Variants in TEX36 observed in about 807,000 individuals in gnomAD.
The protein encoded by TEX36 is testis expressed 36, also known as testis-expressed protein 36.
TEX36 carries 12 observed loss-of-function variants against 13.6 expected under a neutral mutation model. The observed-to-expected ratio is 0.88, with a 90% CI of 0.56 to 1.43. The LOEUF (loss-of-function observed/expected upper bound fraction) is 1.43. Ranked by LOEUF, TEX36 falls within the 40% of genes most tolerant of loss-of-function variation. The pLI is 0.00. For missense variants in TEX36, 224 were observed against 228.3 expected, an observed-to-expected ratio of 0.98 and a Z score of 0.12; for synonymous variants, 93 against 83.0, an observed-to-expected ratio of 1.12 and a Z score of -0.65.
intron 3 of TEX36, among the ~76,000 whole-genome samples, chr10:125,615,964 T>C (rs1846352595): frequency 6.6e-6 from 1 of 152,204 alleles, no homozygotes; most frequent in Admixed American, 6.5e-5. Flanking sequence ...TTTCAGCTCC[T>C]GTTATTGGTC....
intron 3 of TEX36, among the ~76,000 whole-genome samples, chr10:125,639,131 T>G (rs1846653955): frequency 6.6e-6 from 1 of 152,224 alleles, no homozygotes; most frequent in Non-Finnish European, 1.5e-5. Context: ...TAGATTCAGC[T>G]TTTGCTCTTA....
chr10:125,621,931 A>G (rs1263698755), intron 3 of TEX36, among the ~76,000 whole-genome samples: 1 of 152,218 alleles, frequency 6.6e-6, no homozygotes, highest in Non-Finnish European at 1.5e-5. Context: ...CACTGGCAGC[A>G]GATGGGATGC....
intron 1 of TEX36, among the ~76,000 whole-genome samples, chr10:125,681,625 A>G (rs1375674946): frequency 6.6e-6 from 1 of 152,238 alleles, no homozygotes; most frequent in African/African-American, 2.4e-5. Context: ...AGTATTTATA[A>G]AACTAGTTAT....
At chr10:125,651,529 C>T (rs1268247102), downstream of TEX36, among the ~76,000 whole-genome samples, 2 of 152,158 alleles carry the variant, frequency 1.3e-5, no homozygotes, top group African/African-American at 4.8e-5. Flanking sequence ...GACAAACCCA[C>T]AGCCAATATC....
At chr10:125,600,762 C>A (rs1190010149) in intron 3 of TEX36, among the ~76,000 whole-genome samples, 1 of 152,090 alleles carries the variant, frequency 6.6e-6, no homozygotes, top group Non-Finnish European at 1.5e-5. Context: ...TAAATATGAC[C>A]CCCACGGAAT....
intron 3 of TEX36, among the ~76,000 whole-genome samples, chr10:125,610,294 T>C (rs1846273914): frequency 6.6e-6 from 1 of 152,228 alleles, no homozygotes; most frequent in Non-Finnish European, 1.5e-5. Context: ...GCTTTCACTT[T>C]ACTCTGGTGG....
chr10:125,673,841 G>C (rs1473516423), intron 1 of TEX36, among the ~76,000 whole-genome samples: 6 of 151,754 alleles, frequency 4.0e-5, no homozygotes, highest in Non-Finnish European at 1.5e-5. Context: ...TTTCTTTCTG[G>C]CTGACCTTAA....
chr10:125,633,029 CAGG>C lies in TEX36; in HGVS notation c.265-11387_265-11385del, dbSNP rs571607837. Among the ~76,000 whole-genome samples the C allele has an allele frequency of 1.8e-3, 280 of 152,116 alleles. 6 individuals carry two copies. In the South Asian group the frequency reaches 0.037, roughly 20 times the overall value. The stretch of plus-strand genomic sequence containing the variant: ...ATCCCAGCTACTCCGGAGTCTGAGG[CAGG>C]AGAATTGCTTTAGCTTGGAAGGTAG... On this transcript the variant is annotated intron_variant, in intron 3 of 3. Coordinates refer to the TEX36 transcript ENST00000526819.
At chr10:125,655,045 A>G (rs1445371461), downstream of TEX36, among the ~76,000 whole-genome samples, 1 of 152,260 alleles carries the variant, frequency 6.6e-6, no homozygotes, top group African/African-American at 2.4e-5. Context: ...AATTATTTAA[A>G]ACAGAGTGAA....
intron 1 of TEX36, chr10:125,666,809 G>A (rs1589783766): frequency 3.8e-6 from 1 of 262,318 alleles, no homozygotes; most frequent in East Asian, 9.4e-5. Flanking sequence ...CTGAGGAGAA[G>A]GCCCGCTCTT....
downstream of TEX36, among the ~76,000 whole-genome samples, chr10:125,621,090 A>G (rs897478541): frequency 1.2e-4 from 19 of 152,212 alleles, no homozygotes; most frequent in African/African-American, 4.1e-4. Context: ...AAAAATGGGT[A>G]TACAGATACA....
intron 3 of TEX36, among the ~76,000 whole-genome samples, chr10:125,626,055 G>A (rs1846486000): frequency 6.6e-6 from 1 of 152,216 alleles, no homozygotes; most frequent in Non-Finnish European, 1.5e-5. Flanking sequence ...ACAGACCAGT[G>A]CAGGTGATAA....
intron 3 of TEX36, among the ~76,000 whole-genome samples, chr10:125,614,359 G>C (rs1371832117): frequency 1.3e-5 from 2 of 152,164 alleles, no homozygotes; most frequent in Non-Finnish European, 2.9e-5. Flanking sequence ...CCTTGCCCAT[G>C]CCTATGTCCT....
chr10:125,656,101 A>G lies in TEX36; in HGVS notation c.360T>C (p.Asp120=), dbSNP rs1364101327. The G allele has an allele frequency of 1.9e-6, 3 of 1,551,298 alleles. No homozygotes were observed. The highest frequency in any genetic ancestry group is 2.4e-5 in the East Asian group (1 of 40,928). Residue 120 remains aspartate (D), a synonymous_variant, in exon 4 of 4, where the codon GAT becomes GAC. Transcript: ENST00000368821. ...ATGATATTTGGTTATTTGAAAAGCCATCAAGACAAGATGGAACATAGTCAC... is the reference window on the plus strand; with the variant it reads ...ATGATATTTGGTTATTTGAAAAGCCGTCAAGACAAGATGGAACATAGTCAC... The part of the protein sequence containing the change: ...WACDYVPSCL[D]GFSNNQISYV...
At chr10:125,618,572 G>T (rs573937864), downstream of TEX36, among the ~76,000 whole-genome samples, 4 of 152,004 alleles carry the variant, frequency 2.6e-5, no homozygotes, top group African/African-American at 2.4e-5. Context: ...TGCCCCTGCT[G>T]GGGGGTGCCT....
At chr10:125,582,116 G>T (rs1845890671) in intron 3 of TEX36, among the ~76,000 whole-genome samples, 1 of 152,170 alleles carries the variant, frequency 6.6e-6, no homozygotes, top group Admixed American at 6.5e-5. Context: ...GGCCAAGGGA[G>T]TGAGAAAGCC....
At chr10:125,640,222 G>A in intron 3 of TEX36, 1 of 985,372 alleles carries the variant, frequency 1.0e-6, no homozygotes, top group Non-Finnish European at 1.2e-6. Context: ...CTCCTATTTG[G>A]CAGGAGGAGA....
downstream of TEX36, among the ~76,000 whole-genome samples, chr10:125,654,810 C>T (rs565747169): frequency 8.5e-5 from 13 of 152,246 alleles, no homozygotes; most frequent in South Asian, 2.1e-4. Context: ...TTCACAGGTA[C>T]GGTTGGTAGG....
downstream of TEX36, among the ~76,000 whole-genome samples, chr10:125,619,366 G>A (rs941213674): frequency 6.6e-6 from 1 of 151,890 alleles, no homozygotes. Flanking sequence ...AAGCCGTGCA[G>A]GCACCACCTC....
Sources: allele counts gnomAD v4.1 joint callset (sites outside exome capture counted in the v4.1 genomes callset), GRCh38; gene constraint gnomAD v4.1.1; transcripts MANE v1.5; gene names NCBI Gene and HGNC (gene_info 2026-07-23, HGNC 2026-07-21).